Variants in FRAS1 observed in about 807,000 individuals in gnomAD.
The protein encoded by FRAS1 is Fraser extracellular matrix complex subunit 1, also known as extracellular matrix organizing protein FRAS1.
A neutral mutation model predicts 435.2 loss-of-function variants in FRAS1; 290 were observed. The observed-to-expected ratio is 0.67, with a 90% CI of 0.61 to 0.73. The LOEUF (loss-of-function observed/expected upper bound fraction) is 0.73, where lower values mean the gene tolerates loss of function less well. Ranked by LOEUF, FRAS1 falls within the 30% of genes least tolerant of loss-of-function variation. The probability of loss-of-function intolerance (pLI) is 0.00; values close to 1 mark genes in which losing one functional copy is unlikely to be tolerated. For synonymous variants in FRAS1, 1,800 were observed against 1,851.0 expected (o/e 0.97, Z 0.71); for missense variants, 4,860 against 5,001.5 (o/e 0.97, Z 0.85).
chr4:78,097,003 A>C lies in FRAS1; in HGVS notation c.108+30987A>C, dbSNP rs193161980. On this transcript the variant is annotated intron_variant, in intron 2 of 73. Transcript: ENST00000512123. ...TTTTATGCTCTGCTTCCTTTATAAA[A>C]CTGAATGCCTTTAACAGCACCCAAC... Among the ~76,000 whole-genome samples, 49 of 152,242 alleles carry C rather than the reference A, an allele frequency of 3.2e-4. No homozygotes were observed. In the East Asian group the frequency reaches 8.9e-3, roughly 28 times the overall value.
chr4:78,499,703 C>T lies in FRAS1; in HGVS notation c.9116-18C>T. The T allele has an allele frequency of 6.2e-7, 1 of 1,610,322 alleles. No homozygotes were observed. On this transcript the variant is annotated intron_variant, in intron 60 of 73. Transcript: ENST00000512123. ...GCTATTCTAACTGGCTCTTGTTTTC[C>T]TAACCATATTTCCTTAGCCCCCACC... is the stretch of plus-strand genomic sequence containing the variant.
At position 78,540,917 on chromosome 4, in the gene FRAS1, A is replaced by C; in HGVS notation, c.11832A>C (p.Glu3944Asp). The change falls in exon 74 of 74, where the codon GAA becomes GAC. Residue 3944 changes from glutamate (E) to aspartate (D), a missense_variant. Coordinates refer to ENST00000512123, the MANE Select transcript of FRAS1 (RefSeq NM_025074.7). The stretch of plus-strand genomic sequence containing the variant: ...AGAAGCCCGCAGAGGACATTTTGGA[A>C]GAATATCCTCTGAATACCAAGGTAG... ...RKKKPAEDIL[E>D]EYPLNTKVEV... 1 of 1,614,034 alleles carries C rather than the reference A, an allele frequency of 6.2e-7. No individual in the cohort carries two copies. Among genetic ancestry groups the C allele is most frequent in the East Asian group, 2.2e-5 (1 of 44,890 alleles).
intron 34 of FRAS1, among the ~76,000 whole-genome samples, chr4:78,422,549 A>T (rs1438821065): frequency 6.6e-6 from 1 of 150,948 alleles, no homozygotes; most frequent in African/African-American, 2.4e-5. Context: ...AAGGAAGAGC[A>T]CTAGCTCCAG....
At chr4:78,181,359 C>A (rs1560566982) in intron 2 of FRAS1, 1 of 1,611,708 alleles carries the variant, frequency 6.2e-7, no homozygotes, top group South Asian at 1.1e-5. Flanking sequence ...TCAGTTAATT[C>A]GTCTTTGACA....
chr4:78,406,190 A>T (rs910751443), intron 30 of FRAS1, among the ~76,000 whole-genome samples: 1 of 152,228 alleles, frequency 6.6e-6, no homozygotes, highest in Non-Finnish European at 1.5e-5. Flanking sequence ...TTCAAATCCC[A>T]GCTCATCAAC....
chr4:78,220,988 C>A (rs552170210), intron 2 of FRAS1, among the ~76,000 whole-genome samples: 1 of 152,110 alleles, frequency 6.6e-6, no homozygotes, highest in South Asian at 2.1e-4. Context: ...GGTGACATGG[C>A]AAAACCCTGT....
intron 29 of FRAS1, among the ~76,000 whole-genome samples, chr4:78,393,010 T>C (rs1184435216): frequency 9.4e-6 from 1 of 106,390 alleles, no homozygotes; most frequent in Admixed American, 8.2e-5. Context: ...GCTTCTTCCT[T>C]TTTTTTTTTT....
chr4:78,138,542 G>C (rs371947268), intron 2 of FRAS1, among the ~76,000 whole-genome samples: 2 of 152,216 alleles, frequency 1.3e-5, no homozygotes, highest in Admixed American at 1.3e-4. Flanking sequence ...TCATAATAGC[G>C]ACGGCTTTTC....
At chr4:78,114,261 G>A (rs111836912) in intron 2 of FRAS1, among the ~76,000 whole-genome samples, 29 of 152,084 alleles carry the variant, frequency 1.9e-4, no homozygotes, top group African/African-American at 6.8e-4. Flanking sequence ...GTCAGGTAGC[G>A]TGATGCCTCC....
intron 23 of FRAS1, among the ~76,000 whole-genome samples, chr4:78,371,083 G>GGTTTTTTTTTTTTTTTT (rs1456015210): frequency 7.8e-6 from 1 of 127,402 alleles, no homozygotes; most frequent in African/African-American, 3.2e-5. Context: ...TTTTTTTTCT[G>GGTTTTTTTTTTTTTTTT]TTTTTTTGTT....
At chr4:78,410,830 A>G (rs1344401289) in intron 31 of FRAS1, among the ~76,000 whole-genome samples, 2 of 152,218 alleles carry the variant, frequency 1.3e-5, no homozygotes, top group Non-Finnish European at 2.9e-5. Context: ...TTTGTTGCAA[A>G]TATGAAACAA....
chr4:78,284,640 C>A, intron 13 of FRAS1, 92 bp downstream of exon 13: 1 of 1,192,808 alleles, frequency 8.4e-7, no homozygotes, highest in South Asian at 1.7e-5. Flanking sequence ...TCAGTATTGT[C>A]AAGGAGGGGG....
chr4:78,359,027 A>G (rs1315961914), intron 20 of FRAS1, among the ~76,000 whole-genome samples: 4 of 152,212 alleles, frequency 2.6e-5, no homozygotes, highest in Non-Finnish European at 5.9e-5. Context: ...TTGACCCCGA[A>G]CTACCATGCT....
At chr4:78,286,286 C>A (rs1222339247) in intron 13 of FRAS1, 119 bp from the exon 14 acceptor site, 3 of 1,123,528 alleles carry the variant, frequency 2.7e-6, no homozygotes, top group Non-Finnish European at 4.0e-6. Context: ...TATTTTTCTG[C>A]ATTTTCTGTT....
chr4:78,115,776 A>C (rs1743122483), intron 2 of FRAS1, among the ~76,000 whole-genome samples: 1 of 151,920 alleles, frequency 6.6e-6, no homozygotes, highest in African/African-American at 2.4e-5. Context: ...TTTTCAAAAA[A>C]TCAGCTCCTG....
chr4:78,188,973 C>G (rs1722409167), intron 2 of FRAS1, among the ~76,000 whole-genome samples: 1 of 152,164 alleles, frequency 6.6e-6, no homozygotes, highest in African/African-American at 2.4e-5. Context: ...TTATTTCCAG[C>G]TATTATCTAA....
chr4:78,175,560 G>A (rs1202677267), intron 2 of FRAS1, among the ~76,000 whole-genome samples: 2 of 152,122 alleles, frequency 1.3e-5, no homozygotes, highest in East Asian at 1.9e-4. Flanking sequence ...CATTGTATAG[G>A]GAAACCACAG....
intron 2 of FRAS1, among the ~76,000 whole-genome samples, chr4:78,164,463 T>C (rs771984300): frequency 6.6e-6 from 1 of 152,044 alleles, no homozygotes; most frequent in Non-Finnish European, 1.5e-5. Context: ...TATAAGAAAA[T>C]ATTTAGAAAA....
At chr4:78,505,184 GAATCT>G (rs1720796301) in intron 61 of FRAS1, among the ~76,000 whole-genome samples, 1 of 152,130 alleles carries the variant, frequency 6.6e-6, no homozygotes, top group Admixed American at 6.5e-5. Flanking sequence ...CCACCTTGGT[GAATCT>G]GACAATTATG....
Sources: allele counts gnomAD v4.1 joint callset (sites outside exome capture counted in the v4.1 genomes callset), GRCh38; gene constraint gnomAD v4.1.1; transcripts MANE v1.5; gene names NCBI Gene and HGNC (gene_info 2026-07-23, HGNC 2026-07-21).